Variants in FAM135B observed in about 807,000 individuals in gnomAD.
The protein encoded by FAM135B is family with sequence similarity 135 member B, also known as protein FAM135B.
Under a neutral mutation model 127.7 loss-of-function variants are expected in FAM135B, and 43 were observed. The ratio of observed to expected loss-of-function variants is 0.34; its 90% confidence interval spans 0.26 to 0.43. The LOEUF (loss-of-function observed/expected upper bound fraction) is 0.43, where lower values mean the gene tolerates loss of function less well. Ranked by LOEUF, FAM135B falls within the 20% of genes least tolerant of loss-of-function variation. The pLI, the probability that FAM135B is intolerant of heterozygous loss-of-function variation, is 1.00. For synonymous variants in FAM135B, 670 were observed against 665.1 expected (o/e 1.01, Z -0.11); for missense variants, 1,558 against 1,725.6 (o/e 0.90, Z 1.72).
chr8:138,371,678 G>A (rs372888884), intron 1 of FAM135B, among the ~76,000 whole-genome samples: 7 of 152,124 alleles, frequency 4.6e-5, no homozygotes, highest in African/African-American at 1.2e-4. Flanking sequence ...AACCTCCCAC[G>A]AAACATCAGA....
intron 19 of FAM135B, among the ~76,000 whole-genome samples, chr8:138,135,961 C>T (rs528547156): frequency 5.3e-5 from 8 of 151,586 alleles, no homozygotes; most frequent in Admixed American, 2.0e-4. Context: ...TAGAAGAACA[C>T]GAAAAGTAGG....
chr8:138,289,068 C>T (rs1447710275), intron 3 of FAM135B, among the ~76,000 whole-genome samples: 1 of 152,230 alleles, frequency 6.6e-6, no homozygotes, highest in Non-Finnish European at 1.5e-5. Context: ...ACAAGTCTCT[C>T]ATTACCCACT....
chr8:138,410,102 C>T (rs1298755048), intron 1 of FAM135B, among the ~76,000 whole-genome samples: 1 of 152,066 alleles, frequency 6.6e-6, no homozygotes, highest in East Asian at 1.9e-4. Flanking sequence ...AGGATGGTGC[C>T]TGGAGCTGCC....
At chr8:138,286,791 C>T (rs1021595156) in intron 3 of FAM135B, among the ~76,000 whole-genome samples, 38 of 152,142 alleles carry the variant, frequency 2.5e-4, no homozygotes, top group African/African-American at 9.2e-4. Flanking sequence ...CAGCAGGGAG[C>T]CTCGGGAGGA....
Position 138,132,498 on chromosome 8 carries a change from C to T in FAM135B, c.*95G>A, listed in dbSNP as rs1259001220. ...CCTCCGTCCCCCAATGCTGTTGAAG[C>T]TTCATTCTGAAATGGTGAGGTCTGT... On this transcript the variant is annotated 3_prime_UTR_variant, in exon 20 of 20. Transcript: ENST00000395297. This position sits in a 1 kb window ranked among gnomAD's most constrained non-coding sequence, Gnocchi z 4.5. 1.9e-6 allele frequency: 2 copies of T among 1,054,976 alleles called. No homozygotes were observed. The highest frequency in any genetic ancestry group is 2.9e-6 in the Non-Finnish European group (2 of 698,304). The allele number at this position is 1,054,976 out of a possible 1,614,324, so 65.4% of individuals were successfully genotyped here.
intron 2 of FAM135B, among the ~76,000 whole-genome samples, chr8:138,353,341 A>C (rs11994679): frequency 6.6e-6 from 1 of 152,174 alleles, no homozygotes; most frequent in Non-Finnish European, 1.5e-5. Flanking sequence ...ATTTTTGCAA[A>C]GGCTATTCTT....
At chr8:138,248,290 A>G (rs1821437234) in intron 6 of FAM135B, among the ~76,000 whole-genome samples, 1 of 152,200 alleles carries the variant, frequency 6.6e-6, no homozygotes, top group African/African-American at 2.4e-5. Flanking sequence ...TCCCTTGCTT[A>G]ACAGGTATTG....
chr8:138,380,993 A>C (rs1037856117), intron 1 of FAM135B, among the ~76,000 whole-genome samples: 2 of 151,918 alleles, frequency 1.3e-5, no homozygotes, highest in African/African-American at 4.8e-5. Context: ...AAACAAAAAA[A>C]AACAGAACAT....
chr8:138,316,355 G>A (rs1299573665), intron 2 of FAM135B, among the ~76,000 whole-genome samples: 3 of 152,028 alleles, frequency 2.0e-5, no homozygotes, highest in Admixed American at 6.5e-5. Flanking sequence ...TTAGCCAGGC[G>A]CAGTGGCGGG....
At chr8:138,333,732 A>C (rs750121663) in intron 2 of FAM135B, among the ~76,000 whole-genome samples, 11 of 152,226 alleles carry the variant, frequency 7.2e-5, no homozygotes, top group Non-Finnish European at 1.6e-4. Context: ...TTTATAAGAT[A>C]TTAATTAACA....
At chr8:138,491,267 G>C (rs1210392718) in intron 1 of FAM135B, among the ~76,000 whole-genome samples, 4 of 152,066 alleles carry the variant, frequency 2.6e-5, no homozygotes, top group Admixed American at 6.6e-5. Flanking sequence ...TTAAAGAATG[G>C]GGTGGAAAGA....
intron 4 of FAM135B, among the ~76,000 whole-genome samples, chr8:138,264,951 A>G (rs960205965): frequency 2.6e-5 from 4 of 152,220 alleles, no homozygotes; most frequent in Admixed American, 2.6e-4. Flanking sequence ...CAGCTCGAAT[A>G]TGGCAACAGG....
chr8:138,441,623 T>G (rs1053703379), intron 1 of FAM135B: 1 of 152,194 alleles, frequency 6.6e-6, no homozygotes, highest in Admixed American at 6.5e-5. Context: ...TTCTGTTTGT[T>G]TGCAGATTTC....
intron 1 of FAM135B, among the ~76,000 whole-genome samples, chr8:138,453,615 A>T (rs1836614947): frequency 6.6e-6 from 1 of 152,162 alleles, no homozygotes; most frequent in Non-Finnish European, 1.5e-5. Context: ...AGGGTACCAC[A>T]TACAGTTAAG....
chr8:138,243,220 T>G lies in FAM135B; in HGVS notation c.543-152A>C. On this transcript the variant is annotated intron_variant, in intron 6 of 19. Transcript: ENST00000395297. This position sits in a 1 kb window ranked among gnomAD's most constrained non-coding sequence, Gnocchi z 7.5. ...CTAGGGAGTGTTTGCATGTGACATT[T>G]GTGGATATTTTGATGATAAAGAGGG... The G allele has an allele frequency of 1.1e-6, 1 of 876,068 alleles. No individual in the cohort carries two copies. Among genetic ancestry groups the G allele is most frequent in the Non-Finnish European group, 1.7e-6 (1 of 603,966 alleles). 54.3% of individuals were successfully genotyped at this position (876,068 alleles called of 1,614,324 possible). A position where few individuals can be genotyped will look rare whatever the true frequency, so the allele number is the denominator to read the frequency against.
At chr8:138,182,149 A>G (rs1586706015) in intron 9 of FAM135B, among the ~76,000 whole-genome samples, 3 of 152,224 alleles carry the variant, frequency 2.0e-5, no homozygotes, top group Admixed American at 1.3e-4. Context: ...ACCAGAGTGA[A>G]CAAGAGAAAA....
At chr8:138,442,466 A>C (rs867204085) in intron 1 of FAM135B, among the ~76,000 whole-genome samples, 9 of 151,664 alleles carry the variant, frequency 5.9e-5, no homozygotes, top group Non-Finnish European at 1.2e-4. Context: ...CAATGGGTTT[A>C]AAAATGTCAA....
At chr8:138,213,132 T>C (rs1445064662) in intron 7 of FAM135B, among the ~76,000 whole-genome samples, 1 of 152,188 alleles carries the variant, frequency 6.6e-6, no homozygotes, top group Non-Finnish European at 1.5e-5. Context: ...AGATCATGGC[T>C]AAGAAGTGAC....
chr8:138,166,784 A>C (rs1238292695), intron 12 of FAM135B, among the ~76,000 whole-genome samples: 1 of 152,184 alleles, frequency 6.6e-6, no homozygotes, highest in African/African-American at 2.4e-5. Context: ...CGGCAGTTGT[A>C]GTGGTGGTGG....
Sources: allele counts gnomAD v4.1 joint callset (sites outside exome capture counted in the v4.1 genomes callset), GRCh38; gene constraint gnomAD v4.1.1; non-coding constraint Gnocchi (gnomAD v3.1); transcripts MANE v1.5; gene names NCBI Gene and HGNC (gene_info 2026-07-23, HGNC 2026-07-21).